Variants in UBE4B observed in about 807,000 individuals in gnomAD.
UBE4B encodes the protein ubiquitination factor E4B, also known as ubiquitin conjugation factor E4 B.
Under a neutral mutation model 148.1 loss-of-function variants are expected in UBE4B, and 27 were observed. The ratio of observed to expected loss-of-function variants is 0.18; its 90% CI spans 0.13 to 0.25. The LOEUF is 0.25. UBE4B is among the 10% of genes least tolerant of loss of function. The pLI, the probability that UBE4B is intolerant of heterozygous loss-of-function variation, is 1.00. For synonymous variants in UBE4B, 596 were observed against 619.3 expected, an observed-to-expected ratio of 0.96 and a Z score of 0.56; for missense variants, 1,170 against 1,662.4, an observed-to-expected ratio of 0.70 and a Z score of 5.15.
chr1:10,178,728 T>C lies in UBE4B; in HGVS notation c.3610T>C (p.Phe1204Leu). The C allele has an allele frequency of 6.2e-7, 1 of 1,613,626 alleles. No individual in the cohort carries two copies. Among genetic ancestry groups the C allele is most frequent in the Non-Finnish European group, 8.5e-7 (1 of 1,179,868 alleles). Residue 1204 changes from phenylalanine to leucine, a missense_variant, in exon 26 of 28, where the codon TTT becomes CTT. Physicochemically the swap from Phe to Leu is conservative, Grantham distance 22. Around this residue, in one of 6 missense-constraint regions of UBE4B, gnomAD observed 348 missense variants for 627.2 expected, o/e 0.55. Coordinates refer to ENST00000343090, the MANE Select transcript of UBE4B (RefSeq NM_001105562.3). ...CAAATCCACAATAGCAATAGAAAAA[T>C]TTAAGCTGCTCGCCGAGAAAGTGGA... is the stretch of plus-strand genomic sequence containing the variant. ...GIKSTIAIEK[F>L]KLLAEKVEEI...
At chr1:10,095,164 T>C (rs905281125) in intron 2 of UBE4B, among the ~76,000 whole-genome samples, 1 of 152,158 alleles carries the variant, frequency 6.6e-6, no homozygotes, top group Non-Finnish European at 1.5e-5. Flanking sequence ...TAATTTGTAT[T>C]TGTGGGCCAT....
At chr1:10,066,387 C>G (rs1457434043) in intron 1 of UBE4B, among the ~76,000 whole-genome samples, 1 of 151,722 alleles carries the variant, frequency 6.6e-6, no homozygotes, top group Non-Finnish European at 1.5e-5. Context: ...CCTCAGCCTC[C>G]CAGAGTGCTG....
chr1:10,062,694 C>T (rs1644308104), intron 1 of UBE4B, among the ~76,000 whole-genome samples: 1 of 152,162 alleles, frequency 6.6e-6, no homozygotes. Context: ...CGGTGGCTCA[C>T]GCCTGTAATC....
At chr1:10,163,933 GC>G (rs1358338165) in intron 23 of UBE4B, among the ~76,000 whole-genome samples, 1 of 151,358 alleles carries the variant, frequency 6.6e-6, no homozygotes, top group East Asian at 2.0e-4. Flanking sequence ...TGCCACATTG[GC>G]CAGGCTGGTC....
intron 2 of UBE4B, among the ~76,000 whole-genome samples, chr1:10,073,920 ATTTTTTTTTTTTTT>A (rs947131085): frequency 4.8e-4 from 36 of 74,852 alleles, no homozygotes; most frequent in African/African-American, 1.9e-3. Context: ...CTTTCTTTCT[ATTTTTTTTTTTTTT>A]TTTTTTTTTT....
At chr1:10,046,117 C>G (rs1462581389) in intron 1 of UBE4B, among the ~76,000 whole-genome samples, 1 of 152,162 alleles carries the variant, frequency 6.6e-6, no homozygotes, top group Non-Finnish European at 1.5e-5. Context: ...GAGGGGAGGT[C>G]ATGTGCCTCT....
intron 7 of UBE4B, among the ~76,000 whole-genome samples, chr1:10,114,700 C>T (rs1489256466): frequency 1.3e-5 from 2 of 152,058 alleles, no homozygotes; most frequent in Admixed American, 6.6e-5. Flanking sequence ...ACTGTCTCTA[C>T]TAAAAATACA....
intron 2 of UBE4B, among the ~76,000 whole-genome samples, chr1:10,077,576 C>T (rs928774530): frequency 6.6e-6 from 1 of 152,160 alleles, no homozygotes; most frequent in Non-Finnish European, 1.5e-5. Flanking sequence ...TCTGGAAATG[C>T]CAAGTGTTAT....
intron 17 of UBE4B, among the ~76,000 whole-genome samples, chr1:10,140,070 C>T (rs1467056591): frequency 2.6e-5 from 4 of 152,098 alleles, no homozygotes; most frequent in African/African-American, 9.7e-5. Context: ...TTAGATCATC[C>T]TTTCCAACCC....
At chr1:10,176,828 C>T (rs996197198) in intron 25 of UBE4B, among the ~76,000 whole-genome samples, 1 of 148,256 alleles carries the variant, frequency 6.7e-6, no homozygotes, top group Non-Finnish European at 1.5e-5. Flanking sequence ...CTCTGTTGCC[C>T]AGGCTGGAGT....
chr1:10,096,930 T>G (rs1644937595), intron 3 of UBE4B, among the ~76,000 whole-genome samples: 1 of 151,656 alleles, frequency 6.6e-6, no homozygotes, highest in Non-Finnish European at 1.5e-5. Flanking sequence ...TACCAGCTAC[T>G]TGGGAGGCTA....
At chr1:10,055,194 T>C (rs75880248) in intron 1 of UBE4B, among the ~76,000 whole-genome samples, 2 of 152,210 alleles carry the variant, frequency 1.3e-5, no homozygotes, top group East Asian at 3.9e-4. Context: ...TTAGAATGGG[T>C]TGTGAGTGGG....
chr1:10,107,130 G>C, intron 7 of UBE4B: 1 of 1,202,886 alleles, frequency 8.3e-7, no homozygotes, highest in South Asian at 1.3e-5. Context: ...TTTAGTGTAT[G>C]GTTTATTTAA....
At chr1:10,104,561 A>AG (rs942971989) in intron 5 of UBE4B, among the ~76,000 whole-genome samples, 2 of 152,168 alleles carry the variant, frequency 1.3e-5, no homozygotes, top group African/African-American at 4.8e-5. Flanking sequence ...TCTTCTGAGG[A>AG]GGGAAAAAAA....
chr1:10,047,076 C>A (rs1048093104), intron 1 of UBE4B, among the ~76,000 whole-genome samples: 2 of 152,126 alleles, frequency 1.3e-5, no homozygotes, highest in African/African-American at 4.8e-5. Context: ...CTGAGGGTTG[C>A]CATTCTTCCA....
At position 10,126,886 on chromosome 1, in the gene UBE4B, T is replaced by C. The variant is rs200871354; in HGVS notation, c.1638+9T>C. ...TTAAATACCCCCTCATGGTAAAACT[T>C]TGTTCTTTTTCTTTAACTCATTCAA... On this transcript the variant is annotated intron_variant, in intron 11 of 27. Transcript: ENST00000343090. The C allele has an allele frequency of 6.2e-7, 1 of 1,610,532 alleles. No homozygotes were observed. The highest frequency in any genetic ancestry group is 1.3e-5 in the African/African-American group (1 of 74,976).
intron 2 of UBE4B, among the ~76,000 whole-genome samples, chr1:10,073,886 A>G (rs140340507): frequency 2.2e-3 from 323 of 147,764 alleles, no homozygotes; most frequent in Non-Finnish European, 3.9e-3. Flanking sequence ...TCACTCTCTC[A>G]GCTAGTGGCC....
chr1:10,139,797 T>C (rs1645757087), intron 17 of UBE4B, among the ~76,000 whole-genome samples: 2 of 152,222 alleles, frequency 1.3e-5, no homozygotes, highest in African/African-American at 4.8e-5. Flanking sequence ...GGTGCAATCT[T>C]GGCTCACCTC....
At chr1:10,036,063 C>G (rs1239305355) in intron 1 of UBE4B, among the ~76,000 whole-genome samples, 6 of 150,608 alleles carry the variant, frequency 4.0e-5, no homozygotes, top group Non-Finnish European at 8.8e-5. Flanking sequence ...TTTTAGTAGT[C>G]CTTTACTCCT....
Sources: allele counts gnomAD v4.1 joint callset (sites outside exome capture counted in the v4.1 genomes callset), GRCh38; gene constraint gnomAD v4.1.1; regional missense constraint gnomAD v4.1.1; transcripts MANE v1.5; gene names NCBI Gene and HGNC (gene_info 2026-07-23, HGNC 2026-07-21).